The following CSMD1 variants were observed in gnomAD, a reference collection of about 807,000 sequenced individuals.
The protein encoded by CSMD1 is CUB and sushi domain-containing protein 1.
Under a neutral mutation model 417.5 loss-of-function variants are expected in CSMD1, and 213 were observed. The observed-to-expected ratio is 0.51, with a 90% CI of 0.46 to 0.57. The LOEUF is 0.57. Among genes scored for constraint, CSMD1 ranks in the 20% least tolerant of loss-of-function variants. The probability of loss-of-function intolerance (pLI) is 0.00; values close to 1 mark genes in which losing one functional copy is unlikely to be tolerated. For synonymous variants in CSMD1, 2,862 were observed against 1,736.8 expected (o/e 1.65, Z -16.11); for missense variants, 6,923 against 4,529.7 (o/e 1.53, Z -15.17).
chr8:4,842,127 G>C (rs1210740273), intron 1 of CSMD1, among the ~76,000 whole-genome samples: 1 of 152,166 alleles, frequency 6.6e-6, no homozygotes, highest in African/African-American at 2.4e-5. Flanking sequence ...CAAGGCACCA[G>C]CCAAACCGCC....
intron 3 of CSMD1, among the ~76,000 whole-genome samples, chr8:4,036,489 A>C (rs934453325): frequency 3.9e-5 from 6 of 152,328 alleles, no homozygotes; most frequent in African/African-American, 1.2e-4. Context: ...ATTTGTAAAC[A>C]CCCATCTCTT....
At chr8:4,317,807 T>G (rs1460552367) in intron 3 of CSMD1, among the ~76,000 whole-genome samples, 2 of 152,156 alleles carry the variant, frequency 1.3e-5, no homozygotes, top group Non-Finnish European at 2.9e-5. Flanking sequence ...CCTGATACAT[T>G]GTAGGCATTC....
chr8:4,327,149 G>T lies in CSMD1; in HGVS notation c.415+92804C>A, dbSNP rs182551587. On this transcript the variant is annotated intron_variant, in intron 3 of 69. Transcript: ENST00000635120. Reference sequence around the variant, plus strand: ...CTGTTATCATTGACAAGGTCTACTAGACAACAAATGTTAGATACATTATTG... The same window carrying T: ...CTGTTATCATTGACAAGGTCTACTATACAACAAATGTTAGATACATTATTG... Among the ~76,000 whole-genome samples the T allele has an allele frequency of 1.9e-3, 291 of 152,184 alleles. 2 individuals are homozygous for T. Among genetic ancestry groups the T allele is most frequent in the Middle Eastern group, 6.8e-3 (2 of 294 alleles).
At chr8:3,647,163 G>T (rs566525003) in intron 7 of CSMD1, among the ~76,000 whole-genome samples, 47 of 152,154 alleles carry the variant, frequency 3.1e-4, no homozygotes, top group Non-Finnish European at 5.4e-4. Context: ...ATGGTCCTCC[G>T]GTGCAACTCA....
At chr8:3,015,984 T>C (rs78319070) in intron 52 of CSMD1, among the ~76,000 whole-genome samples, 2,345 of 152,254 alleles carry the variant, frequency 0.015, 21 homozygotes, top group East Asian at 0.038. Context: ...CACTTCTAGT[T>C]AACACAACAC....
rs369809483 is a variant in CSMD1, at chr8:3,601,861, T to C, written c.1097+14849A>G. 2.8e-4 allele frequency among the ~76,000 whole-genome samples: 42 copies of C among 152,266 alleles called. 1 individual carries two copies. The South Asian group carries it at 7.9e-3, about 29-fold the overall frequency. On this transcript the variant is annotated intron_variant, in intron 8 of 69. Coordinates refer to ENST00000635120, the MANE Select transcript of CSMD1 (RefSeq NM_033225.6). ...CCCCTACGTCTTCACCAGAAATGTG[T>C]TGAAGCAAAGGAGAGAGTTAGTGTT...
At chr8:4,802,883 C>T (rs896175036) in intron 1 of CSMD1, among the ~76,000 whole-genome samples, 4 of 152,082 alleles carry the variant, frequency 2.6e-5, no homozygotes, top group South Asian at 2.1e-4. Context: ...ATGTCATATC[C>T]GTGTGTTTTC....
At chr8:4,858,244 A>C (rs1801921168) in intron 1 of CSMD1, among the ~76,000 whole-genome samples, 1 of 150,788 alleles carries the variant, frequency 6.6e-6, no homozygotes, top group Admixed American at 6.6e-5. Context: ...TCAATAAATT[A>C]GGTATTGATG....
At chr8:3,382,985 A>G (rs895708550) in intron 18 of CSMD1, among the ~76,000 whole-genome samples, 7 of 152,186 alleles carry the variant, frequency 4.6e-5, no homozygotes, top group African/African-American at 1.7e-4. Flanking sequence ...AAACGCTGTG[A>G]CAAAGTCAGC....
chr8:3,062,419 G>A (rs976725933), intron 49 of CSMD1, among the ~76,000 whole-genome samples: 3 of 152,108 alleles, frequency 2.0e-5, no homozygotes, highest in Non-Finnish European at 4.4e-5. Flanking sequence ...GTAAACACCA[G>A]CAACAGAAAT....
intron 41 of CSMD1, among the ~76,000 whole-genome samples, chr8:3,139,924 A>G (rs1164543928): frequency 8.3e-5 from 9 of 108,072 alleles, no homozygotes; most frequent in Non-Finnish European, 1.7e-4. Flanking sequence ...TTTTTTTTAG[A>G]TGGAGTCTCC....
chr8:3,241,786 G>A (rs924305686), intron 26 of CSMD1, among the ~76,000 whole-genome samples: 2 of 152,108 alleles, frequency 1.3e-5, no homozygotes, highest in South Asian at 2.1e-4. Flanking sequence ...TCTCACAGTG[G>A]AGGCAAGGAA....
chr8:3,181,902 G>T (rs975256768), intron 36 of CSMD1, among the ~76,000 whole-genome samples: 1 of 152,082 alleles, frequency 6.6e-6, no homozygotes, highest in Non-Finnish European at 1.5e-5. Flanking sequence ...AAAGAAAATC[G>T]TTCATCACTC....
intron 5 of CSMD1, among the ~76,000 whole-genome samples, chr8:3,990,366 A>C (rs1031952995): frequency 2.0e-5 from 3 of 152,196 alleles, no homozygotes; most frequent in Non-Finnish European, 4.4e-5. Flanking sequence ...AGAACTGTAG[A>C]GTTCAACTCT....
intron 52 of CSMD1, among the ~76,000 whole-genome samples, chr8:3,005,256 G>C (rs2128958979): frequency 6.6e-6 from 1 of 152,306 alleles, no homozygotes; most frequent in East Asian, 1.9e-4. Flanking sequence ...TCTTTCCTGA[G>C]TTACAAAGAG....
intron 1 of CSMD1, among the ~76,000 whole-genome samples, chr8:4,835,077 T>C (rs1414638765): frequency 6.6e-6 from 1 of 151,578 alleles, no homozygotes; most frequent in African/African-American, 2.4e-5. Flanking sequence ...AAGCGTTTCT[T>C]CACTGCCCTA....
intron 4 of CSMD1, among the ~76,000 whole-genome samples, chr8:4,028,581 G>C (rs548965085): frequency 3.3e-5 from 5 of 152,212 alleles, no homozygotes; most frequent in Non-Finnish European, 7.4e-5. Flanking sequence ...ATAATATAAT[G>C]TTACATGATG....
In CSMD1 at chr8:3,772,437, ATT is replaced by A. The variant is rs1228154173; in HGVS notation, c.819-18397_819-18396del. Among the ~76,000 whole-genome samples, 86 of 74,398 alleles carry A rather than the reference ATT, an allele frequency of 1.2e-3. 19 individuals are homozygous for A. Among genetic ancestry groups the A allele is most frequent in the African/African-American group, 6.5e-3 (80 of 12,254 alleles). The allele number at this position is 74,398 out of a possible 152,430, so 48.8% of individuals were successfully genotyped here. A position where few individuals can be genotyped will look rare whatever the true frequency, so the allele number is the denominator to read the frequency against. ...TTTATATATACACATATATACATACATTTATATATACACATATATATACATAT... is the reference window on the plus strand; with the variant it reads ...TTTATATATACACATATATACATACATATATATACACATATATATACATAT... On this transcript the variant is annotated intron_variant, in intron 5 of 69. Coordinates refer to ENST00000635120, the MANE Select transcript of CSMD1 (RefSeq NM_033225.6).
rs147419660 is a variant in CSMD1, at chr8:3,668,627, C to T, written c.1009+39787G>A. Among the ~76,000 whole-genome samples, 18 of 152,116 alleles carry T rather than the reference C, an allele frequency of 1.2e-4. No homozygotes were observed. In the East Asian group the frequency reaches 2.3e-3, roughly 20 times the overall value. On this transcript the variant is annotated intron_variant, in intron 7 of 69. Coordinates refer to ENST00000635120, the MANE Select transcript of CSMD1 (RefSeq NM_033225.6). ...GAGACGAAGCCCTGGGGAGAAGAGA[C>T]GATCCTGAACAGAGTGTGCAATATA...
Sources: gnomAD v4.1 joint callset for allele counts (sites outside exome capture counted in the v4.1 genomes callset) on GRCh38, gnomAD v4.1.1 for gene constraint, MANE v1.5 for transcripts, NCBI Gene and HGNC (gene_info 2026-07-23, HGNC 2026-07-21) for gene names.